Variants in PRSS50 observed in about 807,000 individuals in gnomAD.
PRSS50 encodes the protein serine protease 50.
Under a neutral mutation model 34.2 loss-of-function variants are expected in PRSS50, and 23 were observed. That is an observed-to-expected ratio of 0.67 (90% CI 0.48 to 0.95). PRSS50 has a LOEUF of 0.95. PRSS50 is among the 40% of genes least tolerant of loss of function. The pLI is 0.00. For synonymous variants in PRSS50, 224 were observed against 211.2 expected, an observed-to-expected ratio of 1.06 and a Z score of -0.53; for missense variants, 484 against 513.4, an observed-to-expected ratio of 0.94 and a Z score of 0.55.
At position 46,716,924 on chromosome 3, in the gene PRSS50, T is replaced by C. The variant is rs73833604; in HGVS notation, c.307+513A>G. On this transcript the variant is annotated intron_variant, in intron 2 of 5. Transcript: ENST00000315170. This position sits in a 1 kb window ranked among gnomAD's most constrained non-coding sequence, Gnocchi z 4.4. ...GACTTTCTGTGGCAGTTAAATGCTA[T>C]GTGCTGAGTCCCAGTCTTATGTGGG... is the stretch of plus-strand genomic sequence containing the variant. Among the ~76,000 whole-genome samples, 4,969 of 152,302 alleles carry C rather than the reference T, an allele frequency of 0.033. 278 individuals are homozygous for C. The highest frequency in any genetic ancestry group is 0.11 in the African/African-American group (4,702 of 41,536).
rs1700679605 is a variant in PRSS50 at position 46,716,007 on chromosome 3, C to T, written c.308-310G>A. On this transcript the variant is annotated intron_variant, in intron 2 of 5. Transcript: ENST00000315170. This position sits in a 1 kb window ranked among gnomAD's most constrained non-coding sequence, Gnocchi z 4.4. ...ACACACTCTCAGCTCCAATCAGATC[C>T]TTCACTAACTTGTTCTCATTTCCAC... Among the ~76,000 whole-genome samples, 1 of 152,350 alleles carries T rather than the reference C, an allele frequency of 6.6e-6. No individual in the cohort carries two copies. Among genetic ancestry groups the T allele is most frequent in the East Asian group, 1.9e-4 (1 of 5,190 alleles).
In PRSS50 at chr3:46,712,382, G is replaced by T; in HGVS notation, c.1022C>A (p.Pro341His). 1 of 1,613,874 alleles carries T rather than the reference G, an allele frequency of 6.2e-7. No individual in the cohort carries two copies. The highest frequency in any genetic ancestry group is 8.5e-7 in the Non-Finnish European group (1 of 1,179,924). The change falls in exon 6 of 6, where the codon CCC becomes CAC. Residue 341 changes from proline (P) to histidine (H), a missense_variant. Physicochemically the swap from Pro to His is moderately conservative, Grantham distance 77. Transcript: ENST00000315170. ...GTAGGAGGAGACCTGTAGGTAGATG[G>T]GTGGGGCCTCGCTCTTCTGGCAGCC... ...GAGCQKSEAPPIYLQVSSYQH... is the reference protein window; with the variant it reads ...GAGCQKSEAPHIYLQVSSYQH...
In PRSS50 at chr3:46,717,366, C is replaced by A; in HGVS notation, c.307+71G>T. The A allele has an allele frequency of 1.9e-6, 3 of 1,556,166 alleles. No homozygotes were observed. Among genetic ancestry groups the A allele is most frequent in the Non-Finnish European group, 8.8e-7 (1 of 1,133,582 alleles). On this transcript the variant is annotated intron_variant, in intron 2 of 5. Transcript: ENST00000315170. The surrounding 1 kb of genome is among the most constrained non-coding windows in gnomAD (Gnocchi z 4.5). The stretch of plus-strand genomic sequence containing the variant: ...GCCCCCGTCCCTTCTGCTCCCCTAG[C>A]CCCAGCCAAGGTCCTTAAGACTCCT...
chr3:46,712,859 C>T (rs1247478377), intron 5 of PRSS50, 42 bp downstream of exon 5: 6 of 1,603,724 alleles, frequency 3.7e-6, no homozygotes, highest in South Asian at 3.3e-5. Flanking sequence ...GCCTCTCCCC[C>T]AGGTGCCCCT....
In PRSS50 at chr3:46,717,584, C is replaced by A. The variant is rs200124361; in HGVS notation, c.160G>T (p.Asp54Tyr). The A allele has an allele frequency of 1.2e-6, 2 of 1,613,586 alleles. No individual in the cohort carries two copies. The highest frequency in any genetic ancestry group is 1.7e-6 in the Non-Finnish European group (2 of 1,179,920). The change falls in exon 2 of 6, where the codon GAC becomes TAC. Residue 54 changes from aspartate to tyrosine, a missense_variant. By Grantham distance (160) the Asp-to-Tyr change is radical. Transcript: ENST00000315170. This position sits in a 1 kb window ranked among gnomAD's most constrained non-coding sequence, Gnocchi z 4.5. ...TTGGGGACACACTGGACGCTCTGGT[C>A]GGCGGGATCAGCAGTGGACAGCGCC... Reference protein sequence around the residue: ...PGALSTADPADQSVQCVPKAT... With the variant: ...PGALSTADPAYQSVQCVPKAT...
intron 4 of PRSS50, among the ~76,000 whole-genome samples, chr3:46,714,008 T>C (rs1024272374): frequency 6.6e-6 from 1 of 152,016 alleles, no homozygotes; most frequent in Admixed American, 6.6e-5. Context: ...GCAATCAGGG[T>C]CCCCTGAGGC....
In PRSS50 at chr3:46,715,599, G is replaced by A. The variant is rs767742381; in HGVS notation, c.406C>T (p.His136Tyr). 1.2e-6 allele frequency: 2 copies of A among 1,613,658 alleles called. No homozygotes were observed. The highest frequency in any genetic ancestry group is 1.7e-6 in the Non-Finnish European group (2 of 1,179,950). The change falls in exon 3 of 6, where the codon CAC becomes TAC. Residue 136 changes from histidine to tyrosine, a missense_variant. His to Tyr is a moderately conservative substitution (Grantham distance 83, BLOSUM62 2). Coordinates refer to ENST00000315170, the MANE Select transcript of PRSS50 (RefSeq NM_013270.5). This position sits in a 1 kb window ranked among gnomAD's most constrained non-coding sequence, Gnocchi z 5.2. The part of the protein sequence containing the change: ...WMVSVRANGT[H>Y]ICAGTIIASQ... Reference sequence around the variant, plus strand: ...GCAATGATGGTGCCGGCACAGATGTGTGTGCCATTGGCCCGCACGCTGACC... The same window carrying A: ...GCAATGATGGTGCCGGCACAGATGTATGTGCCATTGGCCCGCACGCTGACC...
intron 4 of PRSS50, among the ~76,000 whole-genome samples, chr3:46,713,582 G>A (rs1320953832): frequency 6.6e-6 from 1 of 152,264 alleles, no homozygotes; most frequent in African/African-American, 2.4e-5. Context: ...CACATGGGCT[G>A]AAGCCCCCTT....
Position 46,714,260 on chromosome 3 carries a change from A to G in PRSS50, c.712T>C (p.Ser238Pro), listed in dbSNP as rs1700652117. 1.2e-6 allele frequency: 2 copies of G among 1,614,084 alleles called. No homozygotes were observed. The highest frequency in any genetic ancestry group is 4.5e-5 in the East Asian group (2 of 44,860). Residue 238 changes from serine to proline, a missense_variant, in exon 4 of 6, where the codon TCC (serine) becomes CCC (proline). Coordinates refer to ENST00000315170, the MANE Select transcript of PRSS50 (RefSeq NM_013270.5). ...PGTDYVLKDH[S>P]RCTVTGWGLS... ...CCCCAGCCCGTCACAGTGCAGCGGG[A>G]ATGGTCCTTCAACACATAGTCCGTG...
At position 46,713,055 on chromosome 3, in the gene PRSS50, T is replaced by C. The variant is rs1363255522; in HGVS notation, c.767A>G (p.Gln256Arg). 6.2e-7 allele frequency: 1 copy of C among 1,613,994 alleles called. No individual in the cohort carries two copies. Among genetic ancestry groups the C allele is most frequent in the East Asian group, 2.2e-5 (1 of 44,880 alleles). ...TTCCTTCTCCTGAATGGTCCGGAAC[T>C]GAGGCCACATGCCTGTGGGACAGGG... ...GLSKADGMWP[Q>R]FRTIQEKEVI... Residue 256 changes from glutamine to arginine, a missense_variant, in exon 5 of 6, where the codon CAG (glutamine) becomes CGG (arginine). Physicochemically the swap from Gln to Arg is conservative, Grantham distance 43. Coordinates refer to ENST00000315170, the MANE Select transcript of PRSS50 (RefSeq NM_013270.5).
In PRSS50 at chr3:46,717,563, G is replaced by A; in HGVS notation, c.181C>T (p.Pro61Ser). 6.2e-7 allele frequency: 1 copy of A among 1,613,758 alleles called. No individual in the cohort carries two copies. The highest frequency in any genetic ancestry group is 1.7e-5 in the Admixed American group (1 of 60,024). ...DPADQSVQCVPKATCPSSRPR... is the reference protein window; with the variant it reads ...DPADQSVQCVSKATCPSSRPR... The stretch of plus-strand genomic sequence containing the variant: ...CGGCTGGAAGGACAGGTGGCCTTGG[G>A]GACACACTGGACGCTCTGGTCGGCG... The change falls in exon 2 of 6, where the codon CCC becomes TCC. Residue 61 changes from proline (P) to serine (S), a missense_variant. Coordinates refer to ENST00000315170, the MANE Select transcript of PRSS50 (RefSeq NM_013270.5). The surrounding 1 kb of genome is among the most constrained non-coding windows in gnomAD (Gnocchi z 4.5).
At chr3:46,713,814 G>T (rs1008238799) in intron 4 of PRSS50, among the ~76,000 whole-genome samples, 37 of 152,218 alleles carry the variant, frequency 2.4e-4, no homozygotes, top group Admixed American at 2.4e-3. Flanking sequence ...ACGGCCCCTA[G>T]CCAGCCATGT....
At chr3:46,714,548 C>G in intron 3 of PRSS50, 47 bp from the exon 4 acceptor site, 1 of 1,495,188 alleles carries the variant, frequency 6.7e-7, no homozygotes. Context: ...AGGCCCCCTG[C>G]CCCAGCCTCC....
At chr3:46,713,094 C>A in intron 4 of PRSS50, 27 bp from the exon 5 acceptor site, 1 of 1,610,720 alleles carries the variant, frequency 6.2e-7, no homozygotes, top group Non-Finnish European at 8.5e-7. Context: ...CATTTAGGCG[C>A]AGCCACTCAC....
At chr3:46,714,094 G>T in intron 4 of PRSS50, 124 bp downstream of exon 4, 1 of 1,279,780 alleles carries the variant, frequency 7.8e-7, no homozygotes, top group Non-Finnish European at 1.1e-6. Context: ...TGGCAGGAAG[G>T]TCCCGGGAGC....
intron 5 of PRSS50, 90 bp from the exon 6 acceptor site, chr3:46,712,572 C>T: frequency 8.5e-7 from 1 of 1,181,396 alleles, no homozygotes; most frequent in Non-Finnish European, 1.2e-6. Flanking sequence ...GTCCTCACAC[C>T]ACACCTCCAC....
Position 46,717,763 on chromosome 3 carries a change from CG to C in PRSS50, c.61del (p.Arg21AlafsTer12). On this transcript the variant is annotated frameshift_variant, in exon 1 of 6. Transcript: ENST00000315170. LOFTEE classifies it high-confidence loss of function. This position sits in a 1 kb window ranked among gnomAD's most constrained non-coding sequence, Gnocchi z 4.5. Reference protein sequence around the residue: ...GQRPRTSAPSRAGALLLLLLL... With the variant: ...GQRPRTSAPSXAGALLLLLLL... ...AAGCAGCAGCAGCAGGGCACCGGCG[CG>C]GGAGGGGGCAGACGTCCGGGGGCGC... The C allele has an allele frequency of 6.3e-7, 1 of 1,585,022 alleles. No individual in the cohort carries two copies. Among genetic ancestry groups the C allele is most frequent in the Non-Finnish European group, 8.6e-7 (1 of 1,166,916 alleles).
rs1203983354 is a variant in PRSS50 at position 46,712,458 on chromosome 3, A to G, written c.946T>C (p.Cys316Arg). The change falls in exon 6 of 6, where the codon TGC becomes CGC. Residue 316 changes from cysteine (C) to arginine (R), a missense_variant. Cys to Arg is a radical substitution (Grantham distance 180, BLOSUM62 -3). Transcript: ENST00000315170. ...CYELTGEPLV[C>R]SMEGTWYLVG... ...AGGTACCACGTGCCCTCCATGGAGC[A>G]GACCAAGGGCTCTCCAGTTAGCTCC... 2 of 1,613,900 alleles carry G rather than the reference A, an allele frequency of 1.2e-6. No individual in the cohort carries two copies. The highest frequency in any genetic ancestry group is 1.3e-5 in the African/African-American group (1 of 74,904).
chr3:46,713,131 C>T (rs1700640588), intron 4 of PRSS50, 64 bp from the exon 5 acceptor site: 8 of 1,574,342 alleles, frequency 5.1e-6, no homozygotes, highest in Middle Eastern at 1.9e-4. Flanking sequence ...CAGCCTCACT[C>T]GTCCTCTCTC....
Sources: allele counts gnomAD v4.1 joint callset (sites outside exome capture counted in the v4.1 genomes callset), GRCh38; gene constraint gnomAD v4.1.1; non-coding constraint Gnocchi (gnomAD v3.1); transcripts MANE v1.5; gene names NCBI Gene and HGNC (gene_info 2026-07-23, HGNC 2026-07-21).